GPC6: variants seen among roughly 807,000 people sequenced by gnomAD.
The protein encoded by GPC6 is glypican-6.
GPC6 carries 14 observed loss-of-function variants against 55.2 expected under a neutral mutation model. That is an observed-to-expected ratio of 0.25 (90% CI 0.17 to 0.40). The LOEUF (loss-of-function observed/expected upper bound fraction) is 0.40. Ranked by LOEUF, GPC6 falls within the 10% of genes least tolerant of loss-of-function variation. The probability of loss-of-function intolerance (pLI) is 1.00; values close to 1 mark genes in which losing one functional copy is unlikely to be tolerated. For missense variants in GPC6, 641 were observed against 708.5 expected, an observed-to-expected ratio of 0.90 and a Z score of 1.08; for synonymous variants, 278 against 259.6, an observed-to-expected ratio of 1.07 and a Z score of -0.68.
chr13:93,482,104 C>T (rs188661618), intron 1 of GPC6, among the ~76,000 whole-genome samples: 233 of 152,200 alleles, frequency 1.5e-3, no homozygotes, highest in African/African-American at 5.2e-3. Context: ...TTGTAAATTT[C>T]AGCGTACGCC....
intron 3 of GPC6, among the ~76,000 whole-genome samples, chr13:93,866,471 AT>A (rs1261370098): frequency 1.3e-5 from 2 of 151,782 alleles, no homozygotes; most frequent in Non-Finnish European, 2.9e-5. Flanking sequence ...ATCAACCTAA[AT>A]TCCCATCAGT....
intron 1 of GPC6, among the ~76,000 whole-genome samples, chr13:93,483,798 A>T (rs16948857): frequency 0.015 from 2,289 of 152,182 alleles, 55 homozygotes; most frequent in African/African-American, 0.052. Context: ...TAGCCCACAG[A>T]GTGTTGTTTC....
chr13:93,657,746 A>T (rs1056696216), intron 2 of GPC6, among the ~76,000 whole-genome samples: 1 of 152,056 alleles, frequency 6.6e-6, no homozygotes, highest in African/African-American at 2.4e-5. Context: ...AACATAAACA[A>T]ATCAACAACA....
At chr13:93,655,148 C>A (rs1238780821) in intron 2 of GPC6, among the ~76,000 whole-genome samples, 1 of 151,924 alleles carries the variant, frequency 6.6e-6, no homozygotes, top group Non-Finnish European at 1.5e-5. Context: ...CGCGCCCGGC[C>A]CATAACCAGA....
intron 4 of GPC6, among the ~76,000 whole-genome samples, chr13:94,285,445 G>A (rs1892502590): frequency 6.6e-6 from 1 of 152,096 alleles, no homozygotes. Flanking sequence ...TCACTTTATG[G>A]TACAAATCAA....
At chr13:93,898,068 A>G (rs1241060571) in intron 3 of GPC6, among the ~76,000 whole-genome samples, 3 of 152,164 alleles carry the variant, frequency 2.0e-5, no homozygotes, top group African/African-American at 7.2e-5. Context: ...GTAATTTAAA[A>G]CATACAGTTG....
intron 3 of GPC6, among the ~76,000 whole-genome samples, chr13:93,977,366 T>C (rs9524296): frequency 0.71 from 107,164 of 151,960 alleles, 38,317 homozygotes; most frequent in African/African-American, 0.81. Flanking sequence ...TAATGAATTT[T>C]CAATTATCAT....
chr13:94,119,693 G>A (rs1470699577), intron 4 of GPC6, among the ~76,000 whole-genome samples: 2 of 152,266 alleles, frequency 1.3e-5, no homozygotes, highest in East Asian at 1.9e-4. Flanking sequence ...TGTGGCTTGA[G>A]TAGAGGGAAG....
intron 4 of GPC6, among the ~76,000 whole-genome samples, chr13:94,170,160 G>A (rs1298052255): frequency 2.0e-5 from 3 of 152,186 alleles, no homozygotes; most frequent in South Asian, 2.1e-4. Context: ...AGACAGGCAC[G>A]TGATCCTCAA....
At chr13:93,671,613 GT>G (rs34079897) in intron 2 of GPC6, among the ~76,000 whole-genome samples, 12 of 151,260 alleles carry the variant, frequency 7.9e-5, no homozygotes, top group South Asian at 2.1e-4. Flanking sequence ...TTTTTTAGGG[GT>G]TTTTTTTGGG....
intron 1 of GPC6, among the ~76,000 whole-genome samples, chr13:93,268,660 T>C (rs1877408177): frequency 6.6e-6 from 1 of 152,142 alleles, no homozygotes; most frequent in African/African-American, 2.4e-5. Flanking sequence ...TGCATCTATA[T>C]TGGACTTCTT....
chr13:93,718,316 G>T (rs573387180), intron 2 of GPC6, among the ~76,000 whole-genome samples: 16 of 152,146 alleles, frequency 1.1e-4, no homozygotes, highest in African/African-American at 3.9e-4. Context: ...ATGGACATGA[G>T]ATGATATCTC....
intron 6 of GPC6, among the ~76,000 whole-genome samples, chr13:94,323,196 C>T (rs1876930508): frequency 6.6e-6 from 1 of 152,154 alleles, no homozygotes; most frequent in African/African-American, 2.4e-5. Flanking sequence ...ACCAGATGCA[C>T]AGCCCCTTTT....
At chr13:93,730,906 A>T (rs2138836088) in intron 2 of GPC6, among the ~76,000 whole-genome samples, 1 of 152,300 alleles carries the variant, frequency 6.6e-6, no homozygotes, top group South Asian at 2.1e-4. Context: ...GAAGAAATAA[A>T]ACAGGACCTC....
chr13:94,153,345 G>A (rs1020193566), intron 4 of GPC6, among the ~76,000 whole-genome samples: 1 of 151,980 alleles, frequency 6.6e-6, no homozygotes, highest in African/African-American at 2.4e-5. Context: ...ATACTTAAAA[G>A]GCCAAAGCAA....
chr13:93,841,443 C>T (rs1163817504), intron 3 of GPC6, among the ~76,000 whole-genome samples: 1 of 152,134 alleles, frequency 6.6e-6, no homozygotes, highest in East Asian at 1.9e-4. Context: ...TTGCATTATA[C>T]CTCTTCATCC....
Position 94,137,442 on chromosome 13 carries a change from T to C in GPC6, c.877+109548T>C, listed in dbSNP as rs577542891. On this transcript the variant is annotated intron_variant, in intron 4 of 8. Coordinates refer to ENST00000377047, the MANE Select transcript of GPC6 (RefSeq NM_005708.5). Reference sequence around the variant, plus strand: ...ATTCTAGCAGAGTGCAATGAGGATATAGAGAGGTGAGAGACTCTCAAAGTG... The same window carrying C: ...ATTCTAGCAGAGTGCAATGAGGATACAGAGAGGTGAGAGACTCTCAAAGTG... 2.0e-5 allele frequency among the ~76,000 whole-genome samples: 3 copies of C among 152,246 alleles called. No homozygotes were observed. The South Asian group carries it at 6.2e-4, about 32-fold the overall frequency.
chr13:94,061,135 G>A (rs1478512469), intron 4 of GPC6, among the ~76,000 whole-genome samples: 1 of 152,122 alleles, frequency 6.6e-6, no homozygotes, highest in Non-Finnish European at 1.5e-5. Context: ...TGTGCCAGGT[G>A]GGTTGTAAAA....
At chr13:93,452,417 T>C (rs1354207470) in intron 1 of GPC6, among the ~76,000 whole-genome samples, 3 of 152,242 alleles carry the variant, frequency 2.0e-5, no homozygotes, top group Non-Finnish European at 4.4e-5. Flanking sequence ...CATTACCCTT[T>C]GATTTGGAAA....
Sources: gnomAD v4.1 joint callset for allele counts (sites outside exome capture counted in the v4.1 genomes callset) on GRCh38, gnomAD v4.1.1 for gene constraint, MANE v1.5 for transcripts, NCBI Gene and HGNC (gene_info 2026-07-23, HGNC 2026-07-21) for gene names.